Variants in GLIS3 observed in about 807,000 individuals in gnomAD.
GLIS3 encodes zinc finger protein GLIS3.
Under a neutral mutation model 78.6 loss-of-function variants are expected in GLIS3, and 53 were observed. The observed-to-expected ratio is 0.67, with a 90% CI of 0.54 to 0.85. The LOEUF (loss-of-function observed/expected upper bound fraction) is 0.85, where lower values mean the gene tolerates loss of function less well. Among genes scored for constraint, GLIS3 ranks in the 40% least tolerant of loss-of-function variants. The pLI is 0.00. For synonymous variants in GLIS3, 684 were observed against 509.9 expected, an observed-to-expected ratio of 1.34 and a Z score of -4.60; for missense variants, 1,703 against 1,231.1, an observed-to-expected ratio of 1.38 and a Z score of -5.74.
chr9:4,163,697 T>A (rs1835678482), intron 2 of GLIS3, among the ~76,000 whole-genome samples: 3 of 152,196 alleles, frequency 2.0e-5, no homozygotes. Flanking sequence ...AAATATTAAA[T>A]GGAGGTAATA....
chr9:4,143,123 G>T (rs1454190862), intron 2 of GLIS3, among the ~76,000 whole-genome samples: 2 of 152,078 alleles, frequency 1.3e-5, no homozygotes, highest in African/African-American at 2.4e-5. Context: ...CTGTGTAAAT[G>T]TAAGATGTAT....
intron 8 of GLIS3, among the ~76,000 whole-genome samples, chr9:3,859,367 ACACAC>A (rs1563784411): frequency 5.2e-4 from 7 of 13,516 alleles, no homozygotes; most frequent in African/African-American, 1.1e-3. Context: ...ACACACACAC[ACACAC>A]ACACACACAC....
intron 4 of GLIS3, among the ~76,000 whole-genome samples, chr9:4,049,058 C>G (rs1294559417): frequency 6.6e-6 from 1 of 152,110 alleles, no homozygotes; most frequent in African/African-American, 2.4e-5. Flanking sequence ...AGGTTCTAAC[C>G]AAATAGCAGT....
chr9:4,272,297 A>G (rs1826582401), intron 2 of GLIS3, among the ~76,000 whole-genome samples: 1 of 152,176 alleles, frequency 6.6e-6, no homozygotes, highest in African/African-American at 2.4e-5. Context: ...TATGCCAGAC[A>G]CTACACCACC....
At chr9:3,966,915 C>T (rs1257951270) in intron 4 of GLIS3, among the ~76,000 whole-genome samples, 1 of 147,764 alleles carries the variant, frequency 6.8e-6, no homozygotes, top group Non-Finnish European at 1.5e-5. Flanking sequence ...CACCACAATC[C>T]AGTTTTAGAA....
At chr9:3,893,508 G>A (rs569474597) in intron 7 of GLIS3, among the ~76,000 whole-genome samples, 17 of 152,220 alleles carry the variant, frequency 1.1e-4, no homozygotes, top group East Asian at 1.9e-4. Context: ...TCATTATAAC[G>A]CTGCTGTGGG....
chr9:4,296,690 A>T (rs1816537476), intron 1 of GLIS3, among the ~76,000 whole-genome samples: 1 of 152,140 alleles, frequency 6.6e-6, no homozygotes, highest in Non-Finnish European at 1.5e-5. Context: ...ACTCATACTC[A>T]AGGATTACTG....
intron 2 of GLIS3, among the ~76,000 whole-genome samples, chr9:4,249,010 C>A (rs1316377578): frequency 6.6e-6 from 1 of 152,090 alleles, no homozygotes; most frequent in Admixed American, 6.6e-5. Flanking sequence ...GTACAAGTAC[C>A]ATGCTGTTTT....
intron 2 of GLIS3, among the ~76,000 whole-genome samples, chr9:4,312,337 G>A (rs1029830355): frequency 6.6e-6 from 1 of 152,032 alleles, no homozygotes. Context: ...GCATGGTGGT[G>A]CACACCTGTA....
chr9:4,220,477 T>C (rs1310854782), intron 2 of GLIS3, among the ~76,000 whole-genome samples: 1 of 152,212 alleles, frequency 6.6e-6, no homozygotes, highest in African/African-American at 2.4e-5. Context: ...ATTAGACAGA[T>C]TGATGCCCAC....
At chr9:4,271,873 T>C (rs1307131789) in intron 2 of GLIS3, among the ~76,000 whole-genome samples, 1 of 152,188 alleles carries the variant, frequency 6.6e-6, no homozygotes, top group Non-Finnish European at 1.5e-5. Flanking sequence ...CAAACCTGGA[T>C]TCAGTTCCCA....
intron 4 of GLIS3, among the ~76,000 whole-genome samples, chr9:4,104,460 G>A (rs139931715): frequency 6.6e-6 from 1 of 152,280 alleles, no homozygotes; most frequent in African/African-American, 2.4e-5. Flanking sequence ...CTACGGCAGT[G>A]CCCTCAATTC....
chr9:4,194,239 T>C (rs1818596109), intron 2 of GLIS3, among the ~76,000 whole-genome samples: 1 of 152,014 alleles, frequency 6.6e-6, no homozygotes, highest in African/African-American at 2.4e-5. Context: ...TTTTGTATTT[T>C]AGTAGAGACG....
At chr9:4,322,063 G>A (rs1817537130) in intron 2 of GLIS3, among the ~76,000 whole-genome samples, 1 of 152,104 alleles carries the variant, frequency 6.6e-6, no homozygotes, top group Non-Finnish European at 1.5e-5. Context: ...GGTGTGTGAT[G>A]TTCCCCGCCC....
chr9:3,943,903 T>G (rs1026493756), intron 4 of GLIS3, among the ~76,000 whole-genome samples: 1 of 152,198 alleles, frequency 6.6e-6, no homozygotes, highest in African/African-American at 2.4e-5. Flanking sequence ...TAAACTATAA[T>G]AAAGAGATTC....
At chr9:4,307,127 G>A (rs548533124) in intron 4 of GLIS3, among the ~76,000 whole-genome samples, 9 of 152,284 alleles carry the variant, frequency 5.9e-5, no homozygotes, top group African/African-American at 9.6e-5. Context: ...AGCAAAGTAC[G>A]TAAGATTCTT....
intron 2 of GLIS3, among the ~76,000 whole-genome samples, chr9:4,235,542 G>T (rs913930457): frequency 6.6e-6 from 1 of 152,136 alleles, no homozygotes; most frequent in Non-Finnish European, 1.5e-5. Context: ...CAGAGCAGAA[G>T]AATTCATTTA....
At chr9:3,945,858 G>A (rs1816258864) in intron 4 of GLIS3, among the ~76,000 whole-genome samples, 1 of 152,126 alleles carries the variant, frequency 6.6e-6, no homozygotes, top group African/African-American at 2.4e-5. Context: ...AGACACTACA[G>A]GTCAAAGAAG....
intron 2 of GLIS3, among the ~76,000 whole-genome samples, chr9:4,339,622 G>C (rs938557257): frequency 6.7e-6 from 1 of 149,554 alleles, no homozygotes; most frequent in Non-Finnish European, 1.5e-5. Context: ...TTTAGGGTCA[G>C]GTAAAGCTAA....
Sources: allele counts gnomAD v4.1 joint callset (sites outside exome capture counted in the v4.1 genomes callset), GRCh38; gene constraint gnomAD v4.1.1; transcripts MANE v1.5; gene names NCBI Gene and HGNC (gene_info 2026-07-23, HGNC 2026-07-21).